Variants in CSMD2 observed in about 807,000 individuals in gnomAD.
The protein encoded by CSMD2 is CUB and sushi domain-containing protein 2.
Under a neutral mutation model 398.5 loss-of-function variants are expected in CSMD2, and 130 were observed. That is an observed-to-expected ratio of 0.33 (90% confidence interval 0.28 to 0.38). The LOEUF is 0.38. CSMD2 is among the 10% of genes least tolerant of loss of function. The pLI, the probability that CSMD2 is intolerant of heterozygous loss-of-function variation, is 1.00. For synonymous variants in CSMD2, 1,828 were observed against 1,908.5 expected, an observed-to-expected ratio of 0.96 and a Z score of 1.10; for missense variants, 3,829 against 4,764.9, an observed-to-expected ratio of 0.80 and a Z score of 5.78.
chr1:33,918,350 C>G (rs1383375140), intron 4 of CSMD2, 49 bp from the exon 5 acceptor site: 7 of 1,509,522 alleles, frequency 4.6e-6, no homozygotes, highest in Middle Eastern at 2.0e-4. Context: ...GGTTTTCAAG[C>G]CCTAGCACTC....
chr1:33,680,917 G>GAT (rs1644887449), intron 25 of CSMD2, among the ~76,000 whole-genome samples: 4 of 54,296 alleles, frequency 7.4e-5, no homozygotes, highest in African/African-American at 3.2e-4. Context: ...CCTGTTTTAT[G>GAT]CTTTTTTTTT....
intron 2 of CSMD2, among the ~76,000 whole-genome samples, chr1:34,088,700 A>G (rs180824149): frequency 1.3e-5 from 2 of 152,242 alleles, no homozygotes; most frequent in Non-Finnish European, 2.9e-5. Context: ...CACCCTGTGC[A>G]TGAAAAATCA....
intron 1 of CSMD2, among the ~76,000 whole-genome samples, chr1:34,094,755 A>T (rs1238126095): frequency 6.6e-6 from 1 of 152,212 alleles, no homozygotes; most frequent in Non-Finnish European, 1.5e-5. Flanking sequence ...CCAGATTCAT[A>T]AAGCAAGTCC....
At chr1:33,810,707 C>T (rs1248863027) in intron 10 of CSMD2, 36 bp downstream of exon 10, 2 of 1,606,710 alleles carry the variant, frequency 1.2e-6, no homozygotes, top group Non-Finnish European at 1.7e-6. Flanking sequence ...CCTAGCCCTG[C>T]CCACAGAACA....
At chr1:33,947,213 C>T (rs1184858546) in intron 3 of CSMD2, among the ~76,000 whole-genome samples, 2 of 152,184 alleles carry the variant, frequency 1.3e-5, no homozygotes, top group South Asian at 2.1e-4. Context: ...TATCCCTTGC[C>T]AGGGCTGTCC....
At chr1:34,011,051 C>T (rs910829063) in intron 3 of CSMD2, among the ~76,000 whole-genome samples, 1 of 152,136 alleles carries the variant, frequency 6.6e-6, no homozygotes, top group Non-Finnish European at 1.5e-5. Context: ...CTTGGATGCC[C>T]TTCCATTTCA....
chr1:33,915,850 T>C (rs1643693694), intron 5 of CSMD2, among the ~76,000 whole-genome samples: 1 of 152,234 alleles, frequency 6.6e-6, no homozygotes, highest in African/African-American at 2.4e-5. Context: ...CATAATAGCA[T>C]GCTGTCATGG....
chr1:33,625,690 C>T (rs1356843481), intron 33 of CSMD2, among the ~76,000 whole-genome samples: 1 of 152,160 alleles, frequency 6.6e-6, no homozygotes, highest in Non-Finnish European at 1.5e-5. Context: ...CCAGTCTCCC[C>T]TCCCTCCTGC....
At chr1:33,994,411 A>C (rs1016584730) in intron 3 of CSMD2, among the ~76,000 whole-genome samples, 51 of 152,032 alleles carry the variant, frequency 3.4e-4, no homozygotes. Context: ...CCACTAGGCC[A>C]GCTCTCCCAA....
At chr1:33,606,962 G>T (rs1344302545) in intron 41 of CSMD2, among the ~76,000 whole-genome samples, 1 of 152,196 alleles carries the variant, frequency 6.6e-6, no homozygotes, top group Non-Finnish European at 1.5e-5. Flanking sequence ...CTTCCCCAAA[G>T]AAGGACTCCT....
intron 1 of CSMD2, among the ~76,000 whole-genome samples, chr1:34,144,905 C>A (rs1284728441): frequency 1.3e-5 from 2 of 152,208 alleles, no homozygotes; most frequent in African/African-American, 2.4e-5. Context: ...AATGCACAGG[C>A]CAAATAAATG....
intron 5 of CSMD2, among the ~76,000 whole-genome samples, chr1:33,898,487 G>T (rs920477212): frequency 6.6e-6 from 1 of 152,136 alleles, no homozygotes; most frequent in Non-Finnish European, 1.5e-5. Flanking sequence ...TCTTTAATAA[G>T]GAATCCTAAT....
At chr1:33,575,640 T>C (rs1301826494) in intron 49 of CSMD2, among the ~76,000 whole-genome samples, 1 of 152,136 alleles carries the variant, frequency 6.6e-6, no homozygotes, top group African/African-American at 2.4e-5. Flanking sequence ...TGGGTGGTGA[T>C]GTAAGGTAAC....
At chr1:33,558,503 C>T (rs1054277091) in intron 54 of CSMD2, among the ~76,000 whole-genome samples, 4 of 152,108 alleles carry the variant, frequency 2.6e-5, no homozygotes, top group African/African-American at 7.2e-5. Flanking sequence ...TATTCATAAC[C>T]CATGACTATA....
rs1384717153 is a variant in CSMD2 at position 33,698,914 on chromosome 1, C to A, written c.3764G>T (p.Gly1255Val). Residue 1255 changes from glycine (G) to valine (V), a missense_variant, in exon 24 of 71, where the codon GGA (glycine) becomes GTA (valine). Physicochemically the swap from Gly to Val is moderately radical, Grantham distance 109. Transcript: ENST00000373381. ...AACCTTGTAGCCAAACTTGGGGGTT[C>A]CTGGGTCCTCACATTTGATGAGTTC... ...SFELIKCEDP[G>V]TPKFGYKVHD... 1 of 1,613,920 alleles carries A rather than the reference C, an allele frequency of 6.2e-7. No individual in the cohort carries two copies. Among genetic ancestry groups the A allele is most frequent in the Admixed American group, 1.7e-5 (1 of 59,998 alleles).
In CSMD2 at chr1:34,121,994, GTT is replaced by G. The variant is rs35586514; in HGVS notation, c.188-32803_188-32802del. 1.8e-3 allele frequency among the ~76,000 whole-genome samples: 259 copies of G among 142,708 alleles called. 1 individual carries two copies. Among genetic ancestry groups the G allele is most frequent in the African/African-American group, 6.3e-3 (242 of 38,682 alleles). 93.6% of individuals were successfully genotyped at this position (142,708 alleles called of 152,430 possible). ...CAGGCAGCTGGAAGGAATTTTTCTG[GTT>G]TTTTTTTTTTTTTCTACCTCCTGAC... is the stretch of plus-strand genomic sequence containing the variant. On this transcript the variant is annotated intron_variant, in intron 1 of 70. Coordinates refer to ENST00000373381, the MANE Select transcript of CSMD2 (RefSeq NM_001281956.2).
chr1:33,832,570 C>G (rs1164392438), intron 6 of CSMD2, among the ~76,000 whole-genome samples: 2 of 150,006 alleles, frequency 1.3e-5, no homozygotes, highest in African/African-American at 2.5e-5. Context: ...AATTGACACC[C>G]TAGCATCACA....
intron 1 of CSMD2, among the ~76,000 whole-genome samples, chr1:34,143,177 A>C (rs1363246114): frequency 6.6e-6 from 1 of 152,168 alleles, no homozygotes; most frequent in East Asian, 1.9e-4. Flanking sequence ...AATCTAGCAC[A>C]GTGCCTGGGT....
intron 3 of CSMD2, among the ~76,000 whole-genome samples, chr1:33,955,175 C>T (rs1645126196): frequency 1.3e-5 from 2 of 152,176 alleles, no homozygotes; most frequent in South Asian, 4.2e-4. Flanking sequence ...CAGAATTATT[C>T]ATCATCAAGG....
Sources: gnomAD v4.1 joint callset for allele counts (sites outside exome capture counted in the v4.1 genomes callset) on GRCh38, gnomAD v4.1.1 for gene constraint, MANE v1.5 for transcripts, NCBI Gene and HGNC (gene_info 2026-07-23, HGNC 2026-07-21) for gene names.